Variants in SOX5 observed in about 807,000 individuals in gnomAD.
SOX5 encodes the protein transcription factor SOX-5.
Under a neutral mutation model 92.0 loss-of-function variants are expected in SOX5, and 9 were observed. The ratio of observed to expected loss-of-function variants is 0.10; its 90% CI spans 0.06 to 0.17. SOX5 has a LOEUF of 0.17. SOX5 is among the 10% of genes least tolerant of loss of function. The pLI, the probability that SOX5 is intolerant of heterozygous loss-of-function variation, is 1.00. For missense variants in SOX5, 642 were observed against 944.5 expected (o/e 0.68, Z 4.20); for synonymous variants, 344 against 336.3 (o/e 1.02, Z -0.25).
At chr12:24,210,146 ATATC>A (rs1958449498) in intron 4 of SOX5, among the ~76,000 whole-genome samples, 1 of 151,906 alleles carries the variant, frequency 6.6e-6, no homozygotes, top group South Asian at 2.1e-4. Flanking sequence ...ATATGAAACC[ATATC>A]CCTTATTTTC....
intron 7 of SOX5, among the ~76,000 whole-genome samples, chr12:23,660,957 C>T (rs780020562): frequency 6.6e-5 from 10 of 152,182 alleles, no homozygotes; most frequent in Non-Finnish European, 1.3e-4. Context: ...GAATTAGCTA[C>T]ACCACCCTGG....
At chr12:23,949,510 T>C (rs545273050) in intron 1 of SOX5, 54 bp downstream of exon 1, 2 of 1,605,986 alleles carry the variant, frequency 1.2e-6, no homozygotes, top group Non-Finnish European at 1.7e-6. Context: ...CAGAGACTAC[T>C]GTAAAATGGG....
intron 1 of SOX5, among the ~76,000 whole-genome samples, chr12:24,446,676 C>A (rs12371795): frequency 0.23 from 35,360 of 152,068 alleles, 4,962 homozygotes; most frequent in East Asian, 0.67. Context: ...TTTCAGAAAC[C>A]AGGTAAGAGG....
chr12:24,496,270 T>G (rs996848478), intron 1 of SOX5, among the ~76,000 whole-genome samples: 10 of 152,196 alleles, frequency 6.6e-5, no homozygotes, highest in Admixed American at 4.6e-4. Context: ...CTCAAACTTT[T>G]TGGAAAAGCC....
intron 3 of SOX5, chr12:23,762,639 T>G: frequency 4.0e-6 from 2 of 505,222 alleles, no homozygotes; most frequent in Non-Finnish European, 7.0e-6. Flanking sequence ...TTTGGCTGAC[T>G]CAAGTTTTAC....
chr12:23,893,244 G>A (rs113468169), intron 2 of SOX5, among the ~76,000 whole-genome samples: 4 of 152,132 alleles, frequency 2.6e-5, no homozygotes, highest in African/African-American at 7.2e-5. Flanking sequence ...TCAGGGGATC[G>A]AGACCATCCT....
intron 1 of SOX5, among the ~76,000 whole-genome samples, chr12:23,906,947 A>G (rs926898557): frequency 6.6e-6 from 1 of 152,130 alleles, no homozygotes; most frequent in African/African-American, 2.4e-5. Context: ...CAGCCAAAAA[A>G]AAAAAAATAC....
intron 1 of SOX5, among the ~76,000 whole-genome samples, chr12:24,395,452 T>C (rs1413757495): frequency 6.6e-6 from 1 of 152,188 alleles, no homozygotes; most frequent in Non-Finnish European, 1.5e-5. Context: ...TAATCTGTTG[T>C]GTGGCTGCAA....
intron 3 of SOX5, 89 bp downstream of exon 3, chr12:23,845,894 G>A: frequency 9.1e-7 from 1 of 1,102,106 alleles, no homozygotes; most frequent in Non-Finnish European, 1.4e-6. Flanking sequence ...AACTTTAAGA[G>A]TATAAATCAA....
chr12:24,541,669 T>A (rs139884400), intron 1 of SOX5, among the ~76,000 whole-genome samples: 14 of 152,350 alleles, frequency 9.2e-5, no homozygotes, highest in Admixed American at 9.1e-4. Flanking sequence ...CTTGTTGTCC[T>A]TTCAAAGAAA....
At chr12:24,066,306 GT>G (rs1940733988) in intron 4 of SOX5, among the ~76,000 whole-genome samples, 1 of 152,144 alleles carries the variant, frequency 6.6e-6, no homozygotes, top group Non-Finnish European at 1.5e-5. Context: ...GTAAGTACTT[GT>G]AAGATGTAAT....
chr12:24,283,082 C>T (rs989846170), intron 2 of SOX5, among the ~76,000 whole-genome samples: 5 of 152,180 alleles, frequency 3.3e-5, no homozygotes, highest in African/African-American at 9.7e-5. Context: ...GCACTGAGAA[C>T]GTGCCGTAGT....
intron 4 of SOX5, among the ~76,000 whole-genome samples, chr12:24,050,801 G>T (rs973919518): frequency 1.3e-5 from 2 of 152,186 alleles, no homozygotes; most frequent in African/African-American, 4.8e-5. Flanking sequence ...AAACTGTCTA[G>T]CAAGTATATA....
chr12:23,940,818 TG>T (rs779513141), intron 1 of SOX5, among the ~76,000 whole-genome samples: 6 of 149,292 alleles, frequency 4.0e-5, no homozygotes, highest in Non-Finnish European at 9.0e-5. Context: ...CTTTAGACCC[TG>T]AACACTCAAC....
intron 2 of SOX5, among the ~76,000 whole-genome samples, chr12:23,894,522 C>T (rs1479926841): frequency 1.3e-5 from 2 of 151,924 alleles, no homozygotes; most frequent in African/African-American, 4.8e-5. Context: ...CCACCACGCC[C>T]GACCTAAAAC....
chr12:24,213,967 G>A (rs1381329066), intron 3 of SOX5, among the ~76,000 whole-genome samples: 10 of 151,500 alleles, frequency 6.6e-5, no homozygotes, highest in African/African-American at 2.4e-4. Flanking sequence ...TATATATAAT[G>A]TAATATTACT....
At chr12:24,129,899 A>T (rs1949484051) in intron 4 of SOX5, among the ~76,000 whole-genome samples, 1 of 152,240 alleles carries the variant, frequency 6.6e-6, no homozygotes, top group East Asian at 1.9e-4. Context: ...TTTCTTTTAG[A>T]GGAGATTTCA....
intron 1 of SOX5, among the ~76,000 whole-genome samples, chr12:24,534,013 T>C (rs1400893772): frequency 1.3e-5 from 2 of 152,190 alleles, no homozygotes; most frequent in Non-Finnish European, 2.9e-5. Context: ...CATGGCCCTG[T>C]CCATTCCTAC....
At chr12:23,859,773 C>T (rs1188140155) in intron 2 of SOX5, among the ~76,000 whole-genome samples, 2 of 152,114 alleles carry the variant, frequency 1.3e-5, no homozygotes, top group African/African-American at 2.4e-5. Flanking sequence ...AAATGTCTCT[C>T]TTTATACTCT....
Sources: allele counts gnomAD v4.1 joint callset (sites outside exome capture counted in the v4.1 genomes callset), GRCh38; gene constraint gnomAD v4.1.1; transcripts MANE v1.5; gene names NCBI Gene and HGNC (gene_info 2026-07-23, HGNC 2026-07-21).